Variants in COLQ observed in about 807,000 individuals in gnomAD.
COLQ encodes acetylcholinesterase collagenic tail peptide.
Under a neutral mutation model 69.0 loss-of-function variants are expected in COLQ, and 48 were observed. The observed-to-expected ratio is 0.70, with a 90% confidence interval of 0.55 to 0.88. COLQ has a LOEUF of 0.88. Among genes scored for constraint, COLQ ranks in the 40% least tolerant of loss-of-function variants. The probability of loss-of-function intolerance (pLI) is 0.00; values close to 1 mark genes in which losing one functional copy is unlikely to be tolerated. For missense variants in COLQ, 618 were observed against 594.6 expected (o/e 1.04, Z -0.41); for synonymous variants, 217 against 211.2 (o/e 1.03, Z -0.24).
chr3:15,494,868 TTAA>T (rs902735597), intron 1 of COLQ, among the ~76,000 whole-genome samples: 6 of 152,162 alleles, frequency 3.9e-5, no homozygotes, highest in African/African-American at 1.2e-4. Context: ...GTTTGCTGAA[TTAA>T]TAATGACAAA....
Position 15,477,095 on chromosome 3 carries a change from C to T in COLQ, c.465+31G>A, listed in dbSNP as rs2305613. 1,183 of 1,576,788 alleles carry T rather than the reference C, an allele frequency of 7.5e-4. 21 individuals are homozygous for T. The East Asian group carries it at 9.3e-3, about 12-fold the overall frequency. On this transcript the variant is annotated intron_variant, in intron 6 of 16. Coordinates refer to ENST00000383788, the MANE Select transcript of COLQ (RefSeq NM_005677.4). ...ATCTTCCCCCCTCTTGTTTTGACAC[C>T]GCATGAGCCCTGAGAGCATGCCACA...
At chr3:15,454,693 T>C (rs2125083285) in intron 15 of COLQ, among the ~76,000 whole-genome samples, 1 of 148,954 alleles carries the variant, frequency 6.7e-6, no homozygotes, top group Non-Finnish European at 1.5e-5. Context: ...TCTCGCTCTG[T>C]TTCCCAGCCT....
At chr3:15,477,079 C>T (rs760956254) in intron 6 of COLQ, 47 bp downstream of exon 6, 1 of 1,529,048 alleles carries the variant, frequency 6.5e-7, no homozygotes, top group Non-Finnish European at 8.9e-7. Context: ...CATCTTCCCC[C>T]CTCTTGTTTT....
chr3:15,474,837 A>C (rs1235325510), intron 8 of COLQ, 88 bp downstream of exon 8: 1 of 1,465,586 alleles, frequency 6.8e-7, no homozygotes. Flanking sequence ...GACTAAAGAG[A>C]GACCTGGACC....
At chr3:15,493,752 T>C (rs1318135598) in intron 1 of COLQ, among the ~76,000 whole-genome samples, 1 of 151,926 alleles carries the variant, frequency 6.6e-6, no homozygotes, top group Non-Finnish European at 1.5e-5. Context: ...GTGGGAGGAG[T>C]TTCTCCTGAG....
At chr3:15,474,175 G>A (rs1298512687) in intron 9 of COLQ, 53 bp downstream of exon 9, 2 of 1,605,234 alleles carry the variant, frequency 1.2e-6, no homozygotes, top group Admixed American at 1.7e-5. Context: ...GTGGGTGGGG[G>A]CTGCTACTTG....
At chr3:15,496,703 G>C (rs1294664034) in intron 1 of COLQ, among the ~76,000 whole-genome samples, 2 of 152,254 alleles carry the variant, frequency 1.3e-5, no homozygotes, top group Non-Finnish European at 2.9e-5. Flanking sequence ...TATGTGGCCA[G>C]TGCATTGCCA....
chr3:15,467,950 C>G, intron 11 of COLQ: 1 of 456,724 alleles, frequency 2.2e-6, no homozygotes, highest in Non-Finnish European at 4.4e-6. Flanking sequence ...ATTTCTGATT[C>G]CATGTTTATG....
chr3:15,456,904 C>T (rs895609003), intron 13 of COLQ, among the ~76,000 whole-genome samples: 1 of 151,730 alleles, frequency 6.6e-6, no homozygotes, highest in African/African-American at 2.4e-5. Flanking sequence ...CTCATTGCAA[C>T]CTCTGCCTCC....
Position 15,477,096 on chromosome 3 carries a change from G to A in COLQ, c.465+30C>T, listed in dbSNP as rs376491956. ...TCTTCCCCCCTCTTGTTTTGACACC[G>A]CATGAGCCCTGAGAGCATGCCACAC... On this transcript the variant is annotated intron_variant, in intron 6 of 16. Coordinates refer to ENST00000383788, the MANE Select transcript of COLQ (RefSeq NM_005677.4). 2.4e-5 allele frequency: 38 copies of A among 1,576,986 alleles called. No homozygotes were observed. In the African/African-American group the frequency reaches 3.6e-4, roughly 15 times the overall value.
At chr3:15,507,875 CATT>C (rs1314256403) in intron 1 of COLQ, among the ~76,000 whole-genome samples, 3 of 152,102 alleles carry the variant, frequency 2.0e-5, no homozygotes, top group Non-Finnish European at 4.4e-5. Context: ...TTTTCTCTTA[CATT>C]ATTTTTCCTA....
intron 1 of COLQ, among the ~76,000 whole-genome samples, chr3:15,495,514 C>T (rs189521873): frequency 1.3e-5 from 2 of 152,162 alleles, no homozygotes; most frequent in Admixed American, 1.3e-4. Flanking sequence ...TGTTTAGTTA[C>T]TTTTGTGGTT....
chr3:15,468,006 A>T (rs2062226013), intron 11 of COLQ: 1 of 455,860 alleles, frequency 2.2e-6, no homozygotes, highest in African/African-American at 2.0e-5. Context: ...TCCCTGCAGT[A>T]ACCAAGCTGG....
At position 15,477,151 on chromosome 3, in the gene COLQ, C is replaced by A. The variant is rs774853684; in HGVS notation, c.440G>T (p.Gly147Val). Reference protein sequence around the residue: ...PGVPGMPGPIGWPGPEGPRGE... With the variant: ...PGVPGMPGPIVWPGPEGPRGE... ...CCTGGGTCCTTCAGGGCCTGGCCAA[C>A]CGATGGGCCCAGGCATGCCAGGAAC... is the stretch of plus-strand genomic sequence containing the variant. Residue 147 changes from glycine (G) to valine (V), a missense_variant, in exon 6 of 17, where the codon GGT becomes GTT. Gly to Val is a moderately radical substitution (Grantham distance 109). Transcript: ENST00000383788. 14 of 1,605,872 alleles carry A rather than the reference C, an allele frequency of 8.7e-6. No individual in the cohort carries two copies. Among genetic ancestry groups the A allele is most frequent in the Non-Finnish European group, 1.2e-5 (14 of 1,176,680 alleles).
intron 8 of COLQ, 25 bp downstream of exon 8, chr3:15,474,900 G>C: frequency 6.2e-7 from 1 of 1,613,970 alleles, no homozygotes; most frequent in Non-Finnish European, 8.5e-7. Flanking sequence ...CAGGCTCTAG[G>C]ACACCATCCA....
At chr3:15,460,282 T>C (rs918229836) in intron 12 of COLQ, among the ~76,000 whole-genome samples, 4 of 152,110 alleles carry the variant, frequency 2.6e-5, no homozygotes, top group Admixed American at 2.0e-4. Context: ...TGCCGACTAA[T>C]TGGAGAGAAA....
At chr3:15,477,042 C>A in intron 6 of COLQ, 84 bp downstream of exon 6, 1 of 1,297,314 alleles carries the variant, frequency 7.7e-7, no homozygotes, top group African/African-American at 1.5e-5. Context: ...GATTCCCTGA[C>A]TATGTGCCAG....
chr3:15,479,142 C>A, intron 4 of COLQ, 139 bp from the exon 5 acceptor site: 1 of 1,186,730 alleles, frequency 8.4e-7, no homozygotes, highest in South Asian at 1.2e-5. Flanking sequence ...TCTGCCATGT[C>A]GATAGGCCAC....
At chr3:15,459,997 A>C (rs1296716276) in intron 12 of COLQ, among the ~76,000 whole-genome samples, 1 of 151,600 alleles carries the variant, frequency 6.6e-6, no homozygotes, top group Non-Finnish European at 1.5e-5. Flanking sequence ...CTGCCTCTCA[A>C]CTCCCTTCTG....
Sources: gnomAD v4.1 joint callset for allele counts (sites outside exome capture counted in the v4.1 genomes callset) on GRCh38, gnomAD v4.1.1 for gene constraint, MANE v1.5 for transcripts, NCBI Gene and HGNC (gene_info 2026-07-23, HGNC 2026-07-21) for gene names.